ZCRB1: variants seen among roughly 807,000 people sequenced by gnomAD.
ZCRB1 encodes zinc finger CCHC-type and RNA-binding motif-containing protein 1.
ZCRB1 carries 21 observed loss-of-function variants against 29.9 expected under a neutral mutation model. The ratio of observed to expected loss-of-function variants is 0.70; its 90% CI spans 0.50 to 1.01. ZCRB1 has a LOEUF of 1.01. ZCRB1 is among the 50% of genes least tolerant of loss of function. The pLI is 0.00. For missense variants in ZCRB1, 204 were observed against 253.3 expected (o/e 0.81, Z 1.32); for synonymous variants, 77 against 80.0 (o/e 0.96, Z 0.20).
chr12:42,322,401 T>G lies in ZCRB1; in HGVS notation c.113+17A>C, dbSNP rs372875627. On this transcript the variant is annotated intron_variant, in intron 3 of 7. Coordinates refer to ENST00000266529, the MANE Select transcript of ZCRB1 (RefSeq NM_033114.4). ...AAACTTTTAAATGAAGTTACAAAATTTAATGTGAATACTTACTTTACAACT... is the reference window on the plus strand; with the variant it reads ...AAACTTTTAAATGAAGTTACAAAATGTAATGTGAATACTTACTTTACAACT... The G allele has an allele frequency of 3.4e-6, 5 of 1,461,194 alleles. No individual in the cohort carries two copies. In the East Asian group the frequency reaches 7.6e-5, roughly 22 times the overall value. The allele number at this position is 1,461,194 out of a possible 1,614,324, so 90.5% of individuals were successfully genotyped here. A position where few individuals can be genotyped will look rare whatever the true frequency, so the allele number is the denominator to read the frequency against.
chr12:42,324,717 G>A (rs570130088), intron 1 of ZCRB1, among the ~76,000 whole-genome samples: 2 of 152,260 alleles, frequency 1.3e-5, no homozygotes, highest in Non-Finnish European at 2.9e-5. Context: ...AACACTTTCA[G>A]TGCCAGATTG....
chr12:42,319,211 T>G lies in ZCRB1; in HGVS notation c.114-1313A>C, dbSNP rs996166265. On this transcript the variant is annotated intron_variant, in intron 3 of 7. Transcript: ENST00000266529. Reference sequence around the variant, plus strand: ...CTCTCATCTGTTGCCTCTTTTCCAATTCCACTGCTTTTTTCTTGTCCATAG... The same window carrying G: ...CTCTCATCTGTTGCCTCTTTTCCAAGTCCACTGCTTTTTTCTTGTCCATAG... Among the ~76,000 whole-genome samples, 6 of 152,186 alleles carry G rather than the reference T, an allele frequency of 3.9e-5. No homozygotes were observed. In the East Asian group the frequency reaches 1.2e-3, roughly 29 times the overall value.
chr12:42,320,238 C>CAA (rs2068614835), intron 3 of ZCRB1, among the ~76,000 whole-genome samples: 1 of 152,096 alleles, frequency 6.6e-6, no homozygotes, highest in East Asian at 1.9e-4. Flanking sequence ...TTCACAAAGT[C>CAA]CTTATACGCA....
intron 4 of ZCRB1, 102 bp from the exon 5 acceptor site, chr12:42,317,549 T>C (rs1192846495): frequency 1.2e-5 from 13 of 1,058,368 alleles, no homozygotes; most frequent in Admixed American, 2.8e-5. Context: ...TTATTTTGGA[T>C]TTTTTAGCAA....
intron 1 of ZCRB1, among the ~76,000 whole-genome samples, chr12:42,325,168 G>T (rs1278300454): frequency 6.6e-6 from 1 of 152,194 alleles, no homozygotes; most frequent in Non-Finnish European, 1.5e-5. Context: ...ACTCTTAGGA[G>T]ACCACTGTGG....
intron 4 of ZCRB1, 25 bp downstream of exon 4, chr12:42,317,762 A>C: frequency 6.2e-7 from 1 of 1,604,940 alleles, no homozygotes. Context: ...GGGGCTAAAA[A>C]CCTTGATGGA....
chr12:42,313,117 T>C lies in ZCRB1; in HGVS notation c.604A>G (p.Arg202Gly). 1 of 1,612,492 alleles carries C rather than the reference T, an allele frequency of 6.2e-7. No homozygotes were observed. ...CTGAAATATGTGCTTTTCTTTATCC[T>C]TGGGCGTCTTGAATCATCTGATGTT... ...PSTSDDSRRP[R>G]IKKSTYFSDE... The change falls in exon 8 of 8, where the codon AGG becomes GGG. Residue 202 changes from arginine to glycine, a missense_variant. By Grantham distance (125) the Arg-to-Gly change is moderately radical (BLOSUM62 -2). Transcript: ENST00000266529.
chr12:42,325,393 T>C (rs2068692804), intron 1 of ZCRB1: 1 of 152,228 alleles, frequency 6.6e-6, no homozygotes, highest in Admixed American at 6.5e-5. Flanking sequence ...TTTTGCTTAT[T>C]GCCAAATTAT....
intron 3 of ZCRB1, among the ~76,000 whole-genome samples, chr12:42,319,694 T>C (rs189162210): frequency 1.3e-5 from 2 of 152,356 alleles, no homozygotes; most frequent in East Asian, 3.9e-4. Context: ...TGCTGAATTG[T>C]GTTATTCATA....
chr12:42,314,941 G>A (rs989755915), intron 5 of ZCRB1, among the ~76,000 whole-genome samples: 11 of 152,178 alleles, frequency 7.2e-5, no homozygotes, highest in African/African-American at 2.7e-4. Context: ...AACAGAGCAA[G>A]ACCCTGTCTC....
chr12:42,312,891 A>G lies in ZCRB1; in HGVS notation c.*176T>C. On this transcript the variant is annotated 3_prime_UTR_variant, in exon 8 of 8. Transcript: ENST00000266529. ...AAGTCCTCATGTAAACAAATCAGGC[A>G]TGAATAAAGCCCTTATAATGAACTT... 1.7e-6 allele frequency: 1 copy of G among 603,494 alleles called. No homozygotes were observed. Among genetic ancestry groups the G allele is most frequent in the Non-Finnish European group, 2.4e-6 (1 of 425,108 alleles). 37.4% of individuals were successfully genotyped at this position (603,494 alleles called of 1,614,324 possible).
intron 3 of ZCRB1, 110 bp downstream of exon 3, chr12:42,322,308 T>C: frequency 9.3e-7 from 1 of 1,073,614 alleles, no homozygotes; most frequent in South Asian, 1.7e-5. Flanking sequence ...TAGTATTTTC[T>C]TTATTATATC....
intron 5 of ZCRB1, among the ~76,000 whole-genome samples, chr12:42,314,773 G>A (rs1442912786): frequency 6.6e-6 from 1 of 151,936 alleles, no homozygotes; most frequent in Non-Finnish European, 1.5e-5. Context: ...CCAACATGGG[G>A]AAACCCTGTC....
At chr12:42,314,556 T>A (rs2068585895) in intron 5 of ZCRB1, among the ~76,000 whole-genome samples, 1 of 150,298 alleles carries the variant, frequency 6.7e-6, no homozygotes, top group African/African-American at 2.5e-5. Flanking sequence ...CACTCCAGCC[T>A]GGGTGACAAG....
At chr12:42,324,412 T>G (rs995722843) in intron 1 of ZCRB1, among the ~76,000 whole-genome samples, 2 of 152,162 alleles carry the variant, frequency 1.3e-5, no homozygotes, top group African/African-American at 4.8e-5. Context: ...CCTCCCAAAG[T>G]GCTGGGATTA....
intron 5 of ZCRB1, among the ~76,000 whole-genome samples, chr12:42,316,319 T>C (rs1006638977): frequency 4.6e-5 from 7 of 152,128 alleles, no homozygotes; most frequent in African/African-American, 1.7e-4. Flanking sequence ...AGTCTGCTTT[T>C]GAACTCCAGA....
chr12:42,317,782 C>T lies in ZCRB1; in HGVS notation c.225+5G>A. 2 of 1,611,298 alleles carry T rather than the reference C, an allele frequency of 1.2e-6. No individual in the cohort carries two copies. Among genetic ancestry groups the T allele is most frequent in the Non-Finnish European group, 8.5e-7 (1 of 1,179,200 alleles). On this transcript the variant is annotated splice_donor_5th_base_variant and intron_variant, in intron 4 of 7. Transcript: ENST00000266529. ...TAAAAACCTTGATGGAGATGAATAGCTTACCTGTTTGTTGTTTATTGCCCT... is the reference window on the plus strand; with the variant it reads ...TAAAAACCTTGATGGAGATGAATAGTTTACCTGTTTGTTGTTTATTGCCCT...
intron 3 of ZCRB1, among the ~76,000 whole-genome samples, chr12:42,319,056 A>C (rs934418729): frequency 1.3e-5 from 2 of 152,192 alleles, no homozygotes; most frequent in Non-Finnish European, 2.9e-5. Context: ...AATTTGACAG[A>C]AATATTGAAT....
intron 3 of ZCRB1, among the ~76,000 whole-genome samples, chr12:42,320,014 T>TA (rs1433971210): frequency 6.6e-6 from 1 of 152,046 alleles, no homozygotes; most frequent in Non-Finnish European, 1.5e-5. Flanking sequence ...AATACTTTGA[T>TA]AGAGATACCT....
Sources: gnomAD v4.1 joint callset for allele counts (sites outside exome capture counted in the v4.1 genomes callset) on GRCh38, gnomAD v4.1.1 for gene constraint, MANE v1.5 for transcripts, NCBI Gene and HGNC (gene_info 2026-07-23, HGNC 2026-07-21) for gene names.